FRMD6: variants seen among roughly 807,000 people sequenced by gnomAD.
FRMD6 encodes FERM domain containing 6.
FRMD6 carries 37 observed loss-of-function variants against 73.2 expected under a neutral mutation model. The observed-to-expected ratio is 0.51, with a 90% CI of 0.39 to 0.66. FRMD6 has a LOEUF of 0.66. FRMD6 is among the 30% of genes least tolerant of loss of function. FRMD6 has a pLI of 0.00. For missense variants in FRMD6, 714 were observed against 780.5 expected (o/e 0.91, Z 1.02); for synonymous variants, 273 against 282.2 (o/e 0.97, Z 0.33).
chr14:51,599,058 CTTTTTT>C (rs59151771), intron 2 of FRMD6, among the ~76,000 whole-genome samples: 5 of 72,800 alleles, frequency 6.9e-5, no homozygotes, highest in Admixed American at 1.8e-4. Context: ...CAGTATCTGT[CTTTTTT>C]TTTTTTTTTT....
chr14:51,506,006 T>C (rs17124034), intron 1 of FRMD6, among the ~76,000 whole-genome samples: 4,607 of 152,306 alleles, frequency 0.03, 102 homozygotes, highest in East Asian at 0.074. Flanking sequence ...AAACGCTTCC[T>C]GTAACAATCT....
chr14:51,608,244 C>G (rs1035877699), intron 2 of FRMD6, among the ~76,000 whole-genome samples: 3 of 152,126 alleles, frequency 2.0e-5, no homozygotes, highest in Non-Finnish European at 4.4e-5. Flanking sequence ...GGCTTGGGAT[C>G]CTTTGCCAGA....
At chr14:51,649,177 T>G (rs910507645), upstream of FRMD6, among the ~76,000 whole-genome samples, 2 of 152,210 alleles carry the variant, frequency 1.3e-5, no homozygotes, top group East Asian at 3.8e-4. Context: ...CTTTCAGAAT[T>G]TGATGATGTT....
At chr14:51,456,703 G>A in the FRMD6 span, among the ~76,000 whole-genome samples, 4 of 151,904 alleles carry the variant, frequency 2.6e-5, no homozygotes, top group African/African-American at 9.7e-5. Flanking sequence ...CTCCACTCCC[G>A]CATTTATGCA....
At chr14:51,639,481 T>C (rs1247416061) in intron 2 of FRMD6, among the ~76,000 whole-genome samples, 1 of 152,088 alleles carries the variant, frequency 6.6e-6, no homozygotes, top group East Asian at 1.9e-4. Context: ...ATTAATAAGC[T>C]ACTAACTTTG....
the FRMD6 span, among the ~76,000 whole-genome samples, chr14:51,443,171 C>T: frequency 6.6e-6 from 1 of 152,224 alleles, no homozygotes; most frequent in Non-Finnish European, 1.5e-5. Flanking sequence ...TGTTCCCTAT[C>T]TTTCAAACAG....
intron 1 of FRMD6, among the ~76,000 whole-genome samples, chr14:51,494,478 GCTGTGCCCTCCAGGCACA>G (rs1883184496): frequency 6.6e-6 from 1 of 152,238 alleles, no homozygotes; most frequent in African/African-American, 2.4e-5. Flanking sequence ...TTGGCTTGAT[GCTGTGCCCTCCAGGCACA>G]CTGGGGCAGA....
At chr14:51,428,224 A>G in the FRMD6 span, among the ~76,000 whole-genome samples, 223 of 152,290 alleles carry the variant, frequency 1.5e-3, 1 homozygote, top group African/African-American at 5.1e-3. Flanking sequence ...CTGACTATGC[A>G]TTAGAATCAC....
intron 2 of FRMD6, among the ~76,000 whole-genome samples, chr14:51,615,334 G>A (rs1890669033): frequency 6.6e-6 from 1 of 152,170 alleles, no homozygotes; most frequent in South Asian, 2.1e-4. Flanking sequence ...AATCATTATT[G>A]TCGGAGTTAT....
intron 1 of FRMD6, among the ~76,000 whole-genome samples, chr14:51,512,258 C>G (rs751111583): frequency 3.2e-4 from 48 of 152,266 alleles, no homozygotes; most frequent in Non-Finnish European, 5.7e-4. Context: ...TGATAAAATA[C>G]TTGAAGATCC....
At chr14:51,413,726 A>G in the FRMD6 span, among the ~76,000 whole-genome samples, 3 of 152,346 alleles carry the variant, frequency 2.0e-5, no homozygotes, top group African/African-American at 7.2e-5. Flanking sequence ...TCCTTGAGGA[A>G]TCGCCACACT....
At chr14:51,673,155 AG>A (rs1894144602) in intron 1 of FRMD6, among the ~76,000 whole-genome samples, 1 of 152,128 alleles carries the variant, frequency 6.6e-6, no homozygotes, top group Admixed American at 6.5e-5. Context: ...TAAATATTAT[AG>A]GGTTTCTCCT....
At chr14:51,465,353 G>A in the FRMD6 span, among the ~76,000 whole-genome samples, 22 of 152,116 alleles carry the variant, frequency 1.4e-4, no homozygotes, top group African/African-American at 4.8e-4. Flanking sequence ...TTGTATGCAT[G>A]CAAGCAACCA....
chr14:51,491,534 G>A (rs1883000431), intron 1 of FRMD6: 1 of 152,174 alleles, frequency 6.6e-6, no homozygotes, highest in Non-Finnish European at 1.5e-5. Context: ...CTATGTGCCA[G>A]GTACTGTGCC....
chr14:51,577,784 G>A (rs905236844), intron 2 of FRMD6, among the ~76,000 whole-genome samples: 3 of 152,118 alleles, frequency 2.0e-5, no homozygotes, highest in African/African-American at 7.2e-5. Context: ...TCCTAGCTCT[G>A]CCATTTCTTT....
At chr14:51,436,602 G>A in the FRMD6 span, 5 of 578,284 alleles carry the variant, frequency 8.6e-6, no homozygotes, top group South Asian at 8.8e-5. Context: ...ACAGAATAAA[G>A]CCAGCAGGAA....
chr14:51,452,570 A>G, the FRMD6 span, among the ~76,000 whole-genome samples: 2 of 152,246 alleles, frequency 1.3e-5, no homozygotes, highest in Admixed American at 1.3e-4. Context: ...TCTATAGCTC[A>G]AGAACAGGAG....
At chr14:51,635,944 C>T (rs78321036) in intron 2 of FRMD6, among the ~76,000 whole-genome samples, 1 of 152,184 alleles carries the variant, frequency 6.6e-6, no homozygotes, top group South Asian at 2.1e-4. Flanking sequence ...CTCTTTACTC[C>T]GTCCTATATA....
the FRMD6 span, among the ~76,000 whole-genome samples, chr14:51,398,904 AG>A: frequency 3.3e-4 from 51 of 152,310 alleles, no homozygotes; most frequent in Non-Finnish European, 6.6e-4. Flanking sequence ...ACATGTCAGC[AG>A]ATTGCCAGTG....
Sources: allele counts gnomAD v4.1 joint callset (sites outside exome capture counted in the v4.1 genomes callset), GRCh38; gene constraint gnomAD v4.1.1; transcripts MANE v1.5; gene names NCBI Gene and HGNC (gene_info 2026-07-23, HGNC 2026-07-21).